The following NCKAP5 variants were observed in gnomAD, a reference collection of about 807,000 sequenced individuals.
NCKAP5 encodes the protein nck-associated protein 5.
In NCKAP5, 92 loss-of-function variants were observed where a neutral mutation model predicts 167.0. The ratio of observed to expected loss-of-function variants is 0.55; its 90% CI spans 0.47 to 0.66. NCKAP5 has a LOEUF of 0.66. Among genes scored for constraint, NCKAP5 ranks in the 30% least tolerant of loss-of-function variants. The pLI, the probability that NCKAP5 is intolerant of heterozygous loss-of-function variation, is 0.00. For synonymous variants in NCKAP5, 891 were observed against 877.4 expected, an observed-to-expected ratio of 1.02 and a Z score of -0.27; for missense variants, 2,378 against 2,315.0, an observed-to-expected ratio of 1.03 and a Z score of -0.56.
At chr2:132,821,005 G>T (rs192450622) in intron 11 of NCKAP5, among the ~76,000 whole-genome samples, 1 of 152,290 alleles carries the variant, frequency 6.6e-6, no homozygotes, top group East Asian at 1.9e-4. Flanking sequence ...TAATTTTATT[G>T]AGGTGAGTGA....
At chr2:133,468,545 A>T (rs1447039575) in intron 3 of NCKAP5, among the ~76,000 whole-genome samples, 1 of 152,072 alleles carries the variant, frequency 6.6e-6, no homozygotes, top group Non-Finnish European at 1.5e-5. Flanking sequence ...TGCGGAGCTG[A>T]GTTCAATTCC....
intron 3 of NCKAP5, among the ~76,000 whole-genome samples, chr2:133,343,159 C>A (rs1007459214): frequency 1.3e-5 from 2 of 152,326 alleles, no homozygotes; most frequent in Admixed American, 1.3e-4. Flanking sequence ...CACAGTGCAT[C>A]CTGCTAGGCA....
At chr2:133,578,564 C>A in the NCKAP5 span, among the ~76,000 whole-genome samples, 1 of 152,186 alleles carries the variant, frequency 6.6e-6, no homozygotes, top group African/African-American at 2.4e-5. Context: ...GCCAAGAAAT[C>A]CCAGACTGAT....
upstream of NCKAP5, among the ~76,000 whole-genome samples, chr2:133,572,955 AAGATCATGT>A (rs1223058824): frequency 6.6e-6 from 1 of 152,230 alleles, no homozygotes; most frequent in Non-Finnish European, 1.5e-5. Context: ...GACATTGATA[AAGATCATGT>A]AGTTTTGTCC....
chr2:133,462,514 T>C (rs1041159934), intron 3 of NCKAP5, among the ~76,000 whole-genome samples: 13 of 152,202 alleles, frequency 8.5e-5, no homozygotes, highest in African/African-American at 1.9e-4. Flanking sequence ...TGGTCCAAGA[T>C]AGCATCAGAA....
intron 7 of NCKAP5, among the ~76,000 whole-genome samples, chr2:132,972,204 C>T (rs13022995): frequency 0.011 from 1,638 of 152,256 alleles, 11 homozygotes; most frequent in South Asian, 0.02. Flanking sequence ...CCTATGCAAA[C>T]TACTCTACCT....
intron 4 of NCKAP5, among the ~76,000 whole-genome samples, chr2:133,255,815 C>A (rs143313099): frequency 1.4e-4 from 21 of 152,228 alleles, no homozygotes; most frequent in African/African-American, 4.6e-4. Context: ...GAAGTAAAAT[C>A]TAGGATCAGA....
At chr2:133,367,553 C>A (rs1685531892) in intron 3 of NCKAP5, among the ~76,000 whole-genome samples, 1 of 152,110 alleles carries the variant, frequency 6.6e-6, no homozygotes, top group South Asian at 2.1e-4. Flanking sequence ...ATTTTAGTTA[C>A]AAGGATTATA....
At chr2:133,341,954 T>C (rs1574747480) in intron 3 of NCKAP5, among the ~76,000 whole-genome samples, 1 of 152,206 alleles carries the variant, frequency 6.6e-6, no homozygotes, top group African/African-American at 2.4e-5. Context: ...TTCTTTTTTT[T>C]TTGAGACGGA....
At chr2:132,721,891 T>C (rs1342696851) in intron 19 of NCKAP5, among the ~76,000 whole-genome samples, 1 of 152,222 alleles carries the variant, frequency 6.6e-6, no homozygotes, top group Non-Finnish European at 1.5e-5. Flanking sequence ...TTTGTGCTGC[T>C]TCTAGGACCT....
At position 133,243,520 on chromosome 2, in the gene NCKAP5, C is replaced by T. The variant is rs575309055; in HGVS notation, c.144-29741G>A. ...GCTATGGAAACTATCTTTTAAATGC[C>T]AATTGGTCCTCTTCCCTGCAACTAC... On this transcript the variant is annotated intron_variant, in intron 4 of 19. Coordinates refer to ENST00000409261, the MANE Select transcript of NCKAP5 (RefSeq NM_207363.3). 6.6e-5 allele frequency among the ~76,000 whole-genome samples: 10 copies of T among 152,200 alleles called. No individual in the cohort carries two copies. The South Asian group carries it at 2.1e-3, about 32-fold the overall frequency.
intron 5 of NCKAP5, among the ~76,000 whole-genome samples, chr2:133,167,663 G>A (rs552530264): frequency 2.6e-5 from 4 of 152,242 alleles, no homozygotes; most frequent in African/African-American, 4.8e-5. Flanking sequence ...GGATCAAAGC[G>A]TAGAACACGG....
intron 3 of NCKAP5, among the ~76,000 whole-genome samples, chr2:133,380,429 A>G (rs1300014357): frequency 6.6e-6 from 1 of 152,188 alleles, no homozygotes; most frequent in African/African-American, 2.4e-5. Context: ...TAAAACTTTA[A>G]TTGTCTGGAA....
At chr2:132,925,134 G>C (rs77601787) in intron 8 of NCKAP5, among the ~76,000 whole-genome samples, 1 of 152,138 alleles carries the variant, frequency 6.6e-6, no homozygotes, top group African/African-American at 2.4e-5. Flanking sequence ...GACTTTGTTG[G>C]GGGGTGGGGA....
At chr2:132,772,677 A>T (rs774252172) in intron 16 of NCKAP5, among the ~76,000 whole-genome samples, 1 of 152,178 alleles carries the variant, frequency 6.6e-6, no homozygotes, top group Non-Finnish European at 1.5e-5. Context: ...TCCTTTTGGA[A>T]TAATAATCTT....
chr2:132,675,049 T>C (rs1684254667), intron 19 of NCKAP5, among the ~76,000 whole-genome samples: 1 of 152,256 alleles, frequency 6.6e-6, no homozygotes, highest in Non-Finnish European at 1.5e-5. Context: ...TCTCTTTACC[T>C]GGATGTCTTC....
chr2:133,040,866 C>T (rs1371635818), intron 6 of NCKAP5, among the ~76,000 whole-genome samples: 1 of 152,160 alleles, frequency 6.6e-6, no homozygotes, highest in African/African-American at 2.4e-5. Context: ...GCAATACAGG[C>T]AGCATTATTG....
intron 12 of NCKAP5, among the ~76,000 whole-genome samples, chr2:132,795,227 C>A (rs2105155515): frequency 6.6e-6 from 1 of 152,252 alleles, no homozygotes; most frequent in South Asian, 2.1e-4. Flanking sequence ...CCAAGTCAGC[C>A]CTGTGACAAT....
chr2:132,997,574 A>G (rs1401266875), intron 6 of NCKAP5, among the ~76,000 whole-genome samples: 1 of 152,138 alleles, frequency 6.6e-6, no homozygotes, highest in Non-Finnish European at 1.5e-5. Context: ...TGCTTAAGAG[A>G]TCATGGTTAG....
Sources: allele counts gnomAD v4.1 joint callset (sites outside exome capture counted in the v4.1 genomes callset), GRCh38; gene constraint gnomAD v4.1.1; transcripts MANE v1.5; gene names NCBI Gene and HGNC (gene_info 2026-07-23, HGNC 2026-07-21).